Variants in CACNA2D3 observed in about 807,000 individuals in gnomAD.
The protein encoded by CACNA2D3 is calcium voltage-gated channel auxiliary subunit alpha2delta 3, also known as voltage-dependent calcium channel subunit alpha-2/delta-3.
Under a neutral mutation model 160.6 loss-of-function variants are expected in CACNA2D3, and 60 were observed. The ratio of observed to expected loss-of-function variants is 0.37; its 90% CI spans 0.30 to 0.46. The LOEUF is 0.46. Among genes scored for constraint, CACNA2D3 ranks in the 20% least tolerant of loss-of-function variants. CACNA2D3 has a pLI of 1.00. For missense variants in CACNA2D3, 1,205 were observed against 1,365.0 expected (o/e 0.88, Z 1.85); for synonymous variants, 558 against 492.9 (o/e 1.13, Z -1.75).
At chr3:54,550,934 G>GT (rs762442503) in intron 5 of CACNA2D3, among the ~76,000 whole-genome samples, 7 of 152,124 alleles carry the variant, frequency 4.6e-5, no homozygotes, top group Non-Finnish European at 5.9e-5. Context: ...TGCCACCCTT[G>GT]TACAGGTGCC....
intron 2 of CACNA2D3, among the ~76,000 whole-genome samples, chr3:54,228,743 T>C (rs1175446035): frequency 6.6e-6 from 1 of 152,220 alleles, no homozygotes; most frequent in African/African-American, 2.4e-5. Context: ...ATAGCCTCAG[T>C]CTGAATTGGG....
chr3:54,717,683 TGTGTGCGTGC>T (rs1178424638), intron 11 of CACNA2D3, among the ~76,000 whole-genome samples: 1 of 145,724 alleles, frequency 6.9e-6, no homozygotes, highest in African/African-American at 2.6e-5. Context: ...GTGTGTGTGG[TGTGTGCGTGC>T]GTGTGTGTGG....
intron 11 of CACNA2D3, among the ~76,000 whole-genome samples, chr3:54,718,040 T>C (rs1701096568): frequency 6.6e-6 from 1 of 152,216 alleles, no homozygotes; most frequent in Admixed American, 6.5e-5. Flanking sequence ...TATGTATTTT[T>C]TGTGAAGTGT....
intron 27 of CACNA2D3, among the ~76,000 whole-genome samples, chr3:54,927,611 C>G (rs1435352203): frequency 1.3e-5 from 2 of 149,546 alleles, no homozygotes; most frequent in African/African-American, 5.1e-5. Flanking sequence ...TTCCACTTTT[C>G]CCCCCAAAGG....
chr3:55,022,000 C>A (rs1180260087), intron 35 of CACNA2D3, among the ~76,000 whole-genome samples: 1 of 152,034 alleles, frequency 6.6e-6, no homozygotes, highest in Admixed American at 6.6e-5. Context: ...CAATGTGCGT[C>A]CTTTGGACAA....
At chr3:54,763,549 C>G (rs900619854) in intron 12 of CACNA2D3, among the ~76,000 whole-genome samples, 1 of 150,554 alleles carries the variant, frequency 6.6e-6, no homozygotes, top group Non-Finnish European at 1.5e-5. Context: ...AATAAGGTTA[C>G]AAAATATCAT....
intron 4 of CACNA2D3, among the ~76,000 whole-genome samples, chr3:54,476,219 T>C (rs1008629460): frequency 5.4e-5 from 8 of 148,586 alleles, no homozygotes; most frequent in Admixed American, 4.7e-4. Context: ...ATGAATATTA[T>C]ATTAATTATA....
chr3:54,593,378 A>G (rs1441496547), intron 9 of CACNA2D3, among the ~76,000 whole-genome samples: 1 of 152,014 alleles, frequency 6.6e-6, no homozygotes, highest in Non-Finnish European at 1.5e-5. Context: ...TTGCTTAAAG[A>G]CAGAAAGAAA....
intron 2 of CACNA2D3, among the ~76,000 whole-genome samples, chr3:54,224,380 C>A (rs1320620733): frequency 6.6e-6 from 1 of 152,088 alleles, no homozygotes; most frequent in Non-Finnish European, 1.5e-5. Context: ...TTACCATTAT[C>A]AAGTATTATG....
intron 2 of CACNA2D3, among the ~76,000 whole-genome samples, chr3:54,288,754 A>C (rs1234429029): frequency 6.6e-6 from 1 of 152,186 alleles, no homozygotes; most frequent in Non-Finnish European, 1.5e-5. Flanking sequence ...CCTGGGATGC[A>C]AGGCTGGTTC....
intron 4 of CACNA2D3, among the ~76,000 whole-genome samples, chr3:54,467,879 G>T (rs1186569248): frequency 1.3e-5 from 2 of 152,164 alleles, no homozygotes; most frequent in Non-Finnish European, 2.9e-5. Flanking sequence ...GGTTTTGAAA[G>T]TTCTTATCAC....
At chr3:54,437,346 A>G (rs1463325471) in intron 4 of CACNA2D3, among the ~76,000 whole-genome samples, 3 of 152,206 alleles carry the variant, frequency 2.0e-5, no homozygotes, top group Admixed American at 6.5e-5. Flanking sequence ...GCAATGCACA[A>G]TGGGCATGCT....
At chr3:54,452,993 CTT>C (rs373110908) in intron 4 of CACNA2D3, among the ~76,000 whole-genome samples, 1 of 151,286 alleles carries the variant, frequency 6.6e-6, no homozygotes, top group Non-Finnish European at 1.5e-5. Flanking sequence ...TTCTCTCTCT[CTT>C]TCTCCTCTTT....
intron 27 of CACNA2D3, chr3:54,918,973 G>C (rs1169260656): frequency 3.5e-5 from 42 of 1,203,398 alleles, no homozygotes; most frequent in Non-Finnish European, 4.4e-5. Flanking sequence ...AAAAACTTAG[G>C]CAGATGGAAT....
chr3:54,839,099 T>C (rs1347312363), intron 16 of CACNA2D3, among the ~76,000 whole-genome samples: 1 of 152,014 alleles, frequency 6.6e-6, no homozygotes, highest in Non-Finnish European at 1.5e-5. Context: ...CTACTAAAAA[T>C]ACAAAACAAT....
intron 4 of CACNA2D3, among the ~76,000 whole-genome samples, chr3:54,443,883 T>C (rs1309079442): frequency 6.6e-6 from 1 of 152,172 alleles, no homozygotes; most frequent in Admixed American, 6.5e-5. Flanking sequence ...CAAAACATGC[T>C]GCTGTTTTGT....
At chr3:54,618,716 A>G (rs56356828) in intron 9 of CACNA2D3, among the ~76,000 whole-genome samples, 4 of 152,052 alleles carry the variant, frequency 2.6e-5, no homozygotes, top group Non-Finnish European at 4.4e-5. Flanking sequence ...CTGCTCCCCC[A>G]ATCCTGGGCC....
At chr3:54,422,362 A>G (rs548851361) in intron 4 of CACNA2D3, among the ~76,000 whole-genome samples, 1 of 152,270 alleles carries the variant, frequency 6.6e-6, no homozygotes, top group Non-Finnish European at 1.5e-5. Context: ...GGTGCTAGGG[A>G]CGTTTGAAGA....
rs181797484 is a variant in CACNA2D3 at position 54,933,532 on chromosome 3, A to G, written c.2449+33664A>G. Reference sequence around the variant, plus strand: ...ACATGACCATGTCTAACAGCAAGAGATGCTGGGAAATGTTGTCTAGCAGTG... The same window carrying G: ...ACATGACCATGTCTAACAGCAAGAGGTGCTGGGAAATGTTGTCTAGCAGTG... On this transcript the variant is annotated intron_variant, in intron 27 of 37. Transcript: ENST00000474759. Among the ~76,000 whole-genome samples, 275 of 152,330 alleles carry G rather than the reference A, an allele frequency of 1.8e-3. 1 individual carries two copies. The highest frequency in any genetic ancestry group is 6.3e-3 in the African/African-American group (262 of 41,574).
Sources: allele counts gnomAD v4.1 joint callset (sites outside exome capture counted in the v4.1 genomes callset), GRCh38; gene constraint gnomAD v4.1.1; transcripts MANE v1.5; gene names NCBI Gene and HGNC (gene_info 2026-07-23, HGNC 2026-07-21).